Variants in ALK observed in about 807,000 individuals in gnomAD.
ALK encodes ALK receptor tyrosine kinase, also known as ALK tyrosine kinase receptor.
A neutral mutation model predicts 163.1 loss-of-function variants in ALK; 74 were observed. The ratio of observed to expected loss-of-function variants is 0.45; its 90% CI spans 0.38 to 0.55. The LOEUF (loss-of-function observed/expected upper bound fraction) is 0.55. ALK is among the 20% of genes least tolerant of loss of function. ALK has a pLI of 0.00. For missense variants in ALK, 2,063 were observed against 2,105.3 expected, an observed-to-expected ratio of 0.98 and a Z score of 0.39; for synonymous variants, 960 against 843.2, an observed-to-expected ratio of 1.14 and a Z score of -2.40.
intron 1 of ALK, among the ~76,000 whole-genome samples, chr2:29,836,021 C>A (rs1000655073): frequency 3.3e-5 from 5 of 152,096 alleles, no homozygotes; most frequent in African/African-American, 1.2e-4. Flanking sequence ...TTCCATAGCT[C>A]CCCTGTAGAT....
chr2:29,222,441 G>A (rs1669829270), intron 21 of ALK, 33 bp from the exon 22 acceptor site: 2 of 1,613,628 alleles, frequency 1.2e-6, no homozygotes. Flanking sequence ...GGGAGGAGGA[G>A]GAGGCTGTGA....
chr2:29,599,928 A>G (rs1348015058), intron 3 of ALK, among the ~76,000 whole-genome samples: 1 of 152,160 alleles, frequency 6.6e-6, no homozygotes, highest in Non-Finnish European at 1.5e-5. Flanking sequence ...TTGAAAAGCT[A>G]AGCTGTGTGG....
At chr2:29,318,891 G>C (rs918442971) in intron 7 of ALK, among the ~76,000 whole-genome samples, 2 of 152,120 alleles carry the variant, frequency 1.3e-5, no homozygotes, top group East Asian at 3.9e-4. Context: ...AACTGCCTGT[G>C]AGGTCCCAGC....
intron 4 of ALK, among the ~76,000 whole-genome samples, chr2:29,479,376 C>T (rs374275941): frequency 2.6e-5 from 4 of 152,156 alleles, no homozygotes; most frequent in African/African-American, 4.8e-5. Context: ...GCCCAGAGGA[C>T]GCTTGAACAC....
intron 1 of ALK, among the ~76,000 whole-genome samples, chr2:29,820,034 T>C (rs1479785571): frequency 1.3e-5 from 2 of 152,210 alleles, no homozygotes; most frequent in South Asian, 2.1e-4. Context: ...CATCCACAGA[T>C]TCTTTGGTAT....
intron 1 of ALK, among the ~76,000 whole-genome samples, chr2:29,730,281 G>C (rs1448936698): frequency 6.6e-6 from 1 of 152,320 alleles, no homozygotes; most frequent in East Asian, 1.9e-4. Flanking sequence ...AGTAGACAGA[G>C]GGATAAGCAG....
At chr2:29,803,057 G>A (rs1387300445) in intron 1 of ALK, among the ~76,000 whole-genome samples, 2 of 152,308 alleles carry the variant, frequency 1.3e-5, no homozygotes, top group Non-Finnish European at 1.5e-5. Context: ...TATCTAAAAT[G>A]GCTTGAACTG....
chr2:29,791,464 C>T (rs1664187119), intron 1 of ALK, among the ~76,000 whole-genome samples: 1 of 152,112 alleles, frequency 6.6e-6, no homozygotes, highest in Non-Finnish European at 1.5e-5. Context: ...GAACATCACA[C>T]ACCAGGGCCT....
intron 4 of ALK, among the ~76,000 whole-genome samples, chr2:29,437,666 T>C (rs1180164798): frequency 6.6e-6 from 1 of 152,152 alleles, no homozygotes; most frequent in African/African-American, 2.4e-5. Flanking sequence ...AATGACACCA[T>C]CCAATTCAGA....
chr2:29,919,687 A>C (rs1667932788), intron 1 of ALK, among the ~76,000 whole-genome samples: 1 of 152,194 alleles, frequency 6.6e-6, no homozygotes. Flanking sequence ...CCCGGGGCCC[A>C]GGAAGAGGGG....
intron 1 of ALK, among the ~76,000 whole-genome samples, chr2:29,901,372 C>A (rs1667411989): frequency 6.6e-6 from 1 of 152,164 alleles, no homozygotes; most frequent in Non-Finnish European, 1.5e-5. Flanking sequence ...AATTCTTGAG[C>A]ATGTCTCAGC....
intron 1 of ALK, among the ~76,000 whole-genome samples, chr2:29,864,891 A>C (rs1455878816): frequency 2.0e-5 from 3 of 152,214 alleles, no homozygotes; most frequent in Admixed American, 2.0e-4. Flanking sequence ...TTAGACATGC[A>C]AGTCACATTG....
intron 1 of ALK, among the ~76,000 whole-genome samples, chr2:29,829,639 C>T (rs962932167): frequency 6.6e-6 from 1 of 152,264 alleles, no homozygotes; most frequent in Admixed American, 6.5e-5. Flanking sequence ...CTACTAAGAA[C>T]ATTTTCACCT....
chr2:29,880,134 G>A (rs981140875), intron 1 of ALK, among the ~76,000 whole-genome samples: 1 of 152,190 alleles, frequency 6.6e-6, no homozygotes, highest in Non-Finnish European at 1.5e-5. Context: ...TTGGAGAGAT[G>A]TCTGCCTCAT....
At chr2:29,476,684 G>A (rs1671533471) in intron 4 of ALK, among the ~76,000 whole-genome samples, 1 of 152,078 alleles carries the variant, frequency 6.6e-6, no homozygotes, top group Non-Finnish European at 1.5e-5. Flanking sequence ...GCAGGGAAGT[G>A]TGCTGCATGG....
At chr2:29,559,049 C>T (rs936366857) in intron 3 of ALK, among the ~76,000 whole-genome samples, 1 of 152,176 alleles carries the variant, frequency 6.6e-6, no homozygotes, top group Non-Finnish European at 1.5e-5. Flanking sequence ...CAGTACCTAA[C>T]ATACCTTGAA....
At chr2:29,224,106 TG>T (rs1663849631) in intron 19 of ALK, among the ~76,000 whole-genome samples, 1 of 152,160 alleles carries the variant, frequency 6.6e-6, no homozygotes, top group African/African-American at 2.4e-5. Flanking sequence ...GCTCAGCCAT[TG>T]GGTAGGGCAG....
chr2:29,860,242 T>C (rs1666245600), intron 1 of ALK, among the ~76,000 whole-genome samples: 1 of 152,142 alleles, frequency 6.6e-6, no homozygotes, highest in African/African-American at 2.4e-5. Context: ...TTTGTTTGTT[T>C]AAGAAAGGGC....
intron 5 of ALK, among the ~76,000 whole-genome samples, chr2:29,330,544 A>C (rs17784358): frequency 0.19 from 28,233 of 152,228 alleles, 3,023 homozygotes; most frequent in Middle Eastern, 0.28. Flanking sequence ...GAATGCCTGC[A>C]CATTAGGTTA....
Sources: allele counts gnomAD v4.1 joint callset (sites outside exome capture counted in the v4.1 genomes callset), GRCh38; gene constraint gnomAD v4.1.1; transcripts MANE v1.5; gene names NCBI Gene and HGNC (gene_info 2026-07-23, HGNC 2026-07-21).